TBL1XR1: variants seen among roughly 807,000 people sequenced by gnomAD.
TBL1XR1 encodes the protein F-box-like/WD repeat-containing protein TBL1XR1.
Under a neutral mutation model 66.9 loss-of-function variants are expected in TBL1XR1, and 5 were observed. The observed-to-expected ratio is 0.07, with a 90% CI of 0.04 to 0.16. The LOEUF is 0.16. TBL1XR1 is among the 10% of genes least tolerant of loss of function. The pLI, the probability that TBL1XR1 is intolerant of heterozygous loss-of-function variation, is 1.00. For synonymous variants in TBL1XR1, 210 were observed against 206.0 expected (o/e 1.02, Z -0.17); for missense variants, 238 against 623.2 (o/e 0.38, Z 6.58).
At chr3:177,150,718 G>C (rs9830003) in intron 1 of TBL1XR1, among the ~76,000 whole-genome samples, 2,494 of 152,244 alleles carry the variant, frequency 0.016, 72 homozygotes, top group East Asian at 0.052. Context: ...GTCCTGTGTA[G>C]GCCTCTGTTT....
At chr3:177,093,387 T>C (rs183526538) in intron 2 of TBL1XR1, among the ~76,000 whole-genome samples, 4 of 152,226 alleles carry the variant, frequency 2.6e-5, no homozygotes, top group African/African-American at 9.6e-5. Flanking sequence ...ATTGTGAAAA[T>C]GACCACACTG....
intron 2 of TBL1XR1, among the ~76,000 whole-genome samples, chr3:177,066,953 C>A (rs1461664830): frequency 3.3e-5 from 5 of 152,256 alleles, no homozygotes; most frequent in East Asian, 1.9e-4. Flanking sequence ...CTTTATATAA[C>A]CTGAATGTTT....
intron 1 of TBL1XR1, among the ~76,000 whole-genome samples, chr3:177,170,510 C>G (rs1262972981): frequency 6.6e-6 from 1 of 152,190 alleles, no homozygotes; most frequent in Non-Finnish European, 1.5e-5. Flanking sequence ...ATTATGCTTA[C>G]CTGGCTCTTA....
chr3:177,187,582 T>C (rs1423643159), intron 1 of TBL1XR1, among the ~76,000 whole-genome samples: 1 of 152,136 alleles, frequency 6.6e-6, no homozygotes, highest in African/African-American at 2.4e-5. Flanking sequence ...TTAAAAATAC[T>C]TGTTTGCTTA....
chr3:177,185,254 T>A (rs1395936394), intron 1 of TBL1XR1, among the ~76,000 whole-genome samples: 1 of 152,222 alleles, frequency 6.6e-6, no homozygotes, highest in African/African-American at 2.4e-5. Context: ...AATACACACA[T>A]ACTCATACAC....
At chr3:177,171,702 CAAAAAA>C (rs34278942) in intron 1 of TBL1XR1, among the ~76,000 whole-genome samples, 20 of 47,298 alleles carry the variant, frequency 4.2e-4, no homozygotes, top group East Asian at 1.9e-3. Flanking sequence ...GACTCCGTCT[CAAAAAA>C]AAAAAAAAAA....
intron 12 of TBL1XR1, among the ~76,000 whole-genome samples, chr3:177,035,287 C>T (rs535643562): frequency 6.6e-6 from 1 of 152,136 alleles, no homozygotes; most frequent in Non-Finnish European, 1.5e-5. Flanking sequence ...TCTCAGTCAC[C>T]TTCTCAGTTT....
At chr3:177,199,962 G>A (rs1737308671), upstream of TBL1XR1, among the ~76,000 whole-genome samples, 3 of 152,014 alleles carry the variant, frequency 2.0e-5, no homozygotes, top group African/African-American at 4.8e-5. Context: ...GAAGAGAGAG[G>A]AGAGAGCAGG....
chr3:177,144,241 C>G (rs540910185), intron 1 of TBL1XR1, among the ~76,000 whole-genome samples: 6 of 150,944 alleles, frequency 4.0e-5, no homozygotes, highest in Non-Finnish European at 8.9e-5. Flanking sequence ...AGCAAAACTC[C>G]GTCTCAAAAA....
At chr3:177,196,923 G>A (rs1380837874) in intron 1 of TBL1XR1, among the ~76,000 whole-genome samples, 198 bp downstream of exon 1, 2 of 151,864 alleles carry the variant, frequency 1.3e-5, no homozygotes, top group Non-Finnish European at 2.9e-5. Flanking sequence ...GAAAACGGGG[G>A]GATGGGGGCG....
At chr3:177,034,943 GA>G (rs56207108) in intron 12 of TBL1XR1, among the ~76,000 whole-genome samples, 1,604 of 149,574 alleles carry the variant, frequency 0.011, 33 homozygotes, top group African/African-American at 0.037. Flanking sequence ...GTATTTCTGG[GA>G]AAAAAAAAAT....
At chr3:177,149,528 T>C (rs1272023783) in intron 1 of TBL1XR1, among the ~76,000 whole-genome samples, 1 of 152,192 alleles carries the variant, frequency 6.6e-6, no homozygotes, top group Non-Finnish European at 1.5e-5. Flanking sequence ...TTTAAAGCTT[T>C]TTAACTAATT....
chr3:177,126,086 T>A (rs1422875228), intron 1 of TBL1XR1: 2 of 152,056 alleles, frequency 1.3e-5, no homozygotes, highest in African/African-American at 4.8e-5. Context: ...TTTGTATCAT[T>A]CCAATTTTAA....
intron 1 of TBL1XR1, among the ~76,000 whole-genome samples, chr3:177,106,665 T>C (rs149189155): frequency 3.3e-5 from 5 of 152,320 alleles, no homozygotes; most frequent in Admixed American, 1.3e-4. Flanking sequence ...GTGCCTAGCA[T>C]AGTAATAAGA....
rs562234300 is a variant in TBL1XR1, at chr3:177,127,998, C to G, written c.-121-29457G>C. Among the ~76,000 whole-genome samples the G allele has an allele frequency of 1.2e-4, 18 of 152,280 alleles. No individual in the cohort carries two copies. In the East Asian group the frequency reaches 3.5e-3, roughly 29 times the overall value. ...CTTTGGGAGTCCGAAGCAAGCAGAT[C>G]ACTTGAGGTCAGGAGTTCGAGACCA... On this transcript the variant is annotated intron_variant, in intron 1 of 15. Transcript: ENST00000457928.
intron 1 of TBL1XR1, among the ~76,000 whole-genome samples, chr3:177,101,088 C>T (rs1328853218): frequency 1.3e-5 from 2 of 152,160 alleles, no homozygotes; most frequent in Non-Finnish European, 2.9e-5. Flanking sequence ...AACTCCCAAC[C>T]TCGGGTGATC....
chr3:177,056,623 A>G (rs1450127514), intron 3 of TBL1XR1, among the ~76,000 whole-genome samples: 2 of 152,196 alleles, frequency 1.3e-5, no homozygotes, highest in Non-Finnish European at 2.9e-5. Flanking sequence ...TAGCCATGGC[A>G]TTACATAGCA....
At chr3:177,166,550 T>A (rs550600902) in intron 1 of TBL1XR1, among the ~76,000 whole-genome samples, 9 of 152,104 alleles carry the variant, frequency 5.9e-5, no homozygotes, top group African/African-American at 2.2e-4. Flanking sequence ...TCTCTGATGG[T>A]TTTATATGGG....
intron 1 of TBL1XR1, among the ~76,000 whole-genome samples, chr3:177,188,307 G>C (rs1735693531): frequency 6.6e-6 from 1 of 152,120 alleles, no homozygotes; most frequent in South Asian, 2.1e-4. Context: ...CCAGCACTTT[G>C]GGAGGCCAAG....
Sources: allele counts gnomAD v4.1 joint callset (sites outside exome capture counted in the v4.1 genomes callset), GRCh38; gene constraint gnomAD v4.1.1; transcripts MANE v1.5; gene names NCBI Gene and HGNC (gene_info 2026-07-23, HGNC 2026-07-21).